Variants in BMP8A observed in about 807,000 individuals in gnomAD.
BMP8A encodes BMP-8A.
Under a neutral mutation model 36.8 loss-of-function variants are expected in BMP8A, and 14 were observed. The ratio of observed to expected loss-of-function variants is 0.38; its 90% confidence interval spans 0.25 to 0.60. The LOEUF is 0.60. BMP8A is among the 20% of genes least tolerant of loss of function. BMP8A has a pLI of 0.63. For missense variants in BMP8A, 267 were observed against 551.1 expected (o/e 0.48, Z 5.16); for synonymous variants, 120 against 237.7 (o/e 0.50, Z 4.55).
In BMP8A at chr1:39,492,008, G is replaced by A; in HGVS notation, c.17G>A (p.Gly6Glu). 3.7e-6 allele frequency: 4 copies of A among 1,088,080 alleles called. No homozygotes were observed. Among genetic ancestry groups the A allele is most frequent in the Non-Finnish European group, 4.5e-6 (4 of 897,208 alleles). 67.4% of individuals were successfully genotyped at this position (1,088,080 alleles called of 1,614,324 possible). ...CGGCCCGCCATGGCCGCGCGCCCCGGACCGCTCTGGCTTCTGGGCCTGACG... is the reference window on the plus strand; with the variant it reads ...CGGCCCGCCATGGCCGCGCGCCCCGAACCGCTCTGGCTTCTGGGCCTGACG... Reference protein sequence around the residue: MAARPGPLWLLGLTLC... With the variant: MAARPEPLWLLGLTLC... The change falls in exon 1 of 7, where the codon GGA becomes GAA. Residue 6 changes from glycine (G) to glutamate (E), a missense_variant. Physicochemically the swap from Gly to Glu is moderately conservative, Grantham distance 98. Coordinates refer to ENST00000331593, the MANE Select transcript of BMP8A (RefSeq NM_181809.4).
At chr1:39,507,068 G>T (rs1295244811) in intron 1 of BMP8A, among the ~76,000 whole-genome samples, 2 of 152,202 alleles carry the variant, frequency 1.3e-5, no homozygotes, top group East Asian at 3.8e-4. Flanking sequence ...CACTGTCCCA[G>T]ATTTTGCAGA....
At chr1:39,508,182 C>T (rs1251461820) in intron 1 of BMP8A, among the ~76,000 whole-genome samples, 1 of 150,464 alleles carries the variant, frequency 6.6e-6, no homozygotes, top group Non-Finnish European at 1.5e-5. Flanking sequence ...ACCCGGGAGG[C>T]GGAGCTTGCA....
At chr1:39,518,037 C>T (rs946868906) in intron 3 of BMP8A, among the ~76,000 whole-genome samples, 2 of 151,996 alleles carry the variant, frequency 1.3e-5, no homozygotes, top group East Asian at 1.9e-4. Context: ...CCGTTGTAAC[C>T]CAAGAGGCTG....
chr1:39,499,319 G>A (rs1645233290), intron 1 of BMP8A, among the ~76,000 whole-genome samples: 1 of 152,178 alleles, frequency 6.6e-6, no homozygotes, highest in Admixed American at 6.5e-5. Flanking sequence ...CAGATGGCAG[G>A]GCCAGCGCAG....
In BMP8A at chr1:39,491,755, G is replaced by A. The variant is rs1351577334; in HGVS notation, c.-237G>A. On this transcript the variant is annotated 5_prime_UTR_variant, in exon 1 of 7. Transcript: ENST00000331593. ...GATTGGCTGACAGTCCCAGCCCTCA[G>A]AACAGCCCCGGCCTCGAAGCGTTGG... 5.2e-6 allele frequency: 1 copy of A among 192,106 alleles called. No individual in the cohort carries two copies. Among genetic ancestry groups the A allele is most frequent in the Non-Finnish European group, 1.0e-5 (1 of 100,040 alleles). The allele number at this position is 192,106 out of a possible 1,614,324, so 11.9% of individuals were successfully genotyped here.
At chr1:39,516,953 A>G (rs536122382) in intron 3 of BMP8A, among the ~76,000 whole-genome samples, 10 of 151,674 alleles carry the variant, frequency 6.6e-5, no homozygotes, top group Admixed American at 6.6e-4. Context: ...AAGACATGCT[A>G]TCTTCATGAG....
At chr1:39,495,198 C>G (rs1226430355) in intron 1 of BMP8A, among the ~76,000 whole-genome samples, 1 of 152,244 alleles carries the variant, frequency 6.6e-6, no homozygotes, top group Non-Finnish European at 1.5e-5. Flanking sequence ...TCAGCCTCAT[C>G]TGAGTCCTGA....
intron 6 of BMP8A, chr1:39,523,461 G>A (rs374084532): frequency 4.8e-6 from 6 of 1,244,342 alleles, no homozygotes; most frequent in South Asian, 1.8e-5. Flanking sequence ...CTGTGTGGGG[G>A]CTGTGTGATC....
intron 1 of BMP8A, among the ~76,000 whole-genome samples, chr1:39,503,841 T>G (rs1397293695): frequency 6.6e-6 from 1 of 152,178 alleles, no homozygotes; most frequent in Non-Finnish European, 1.5e-5. Context: ...CTCAGGAGGC[T>G]GAGGTGGGAG....
intron 1 of BMP8A, among the ~76,000 whole-genome samples, chr1:39,505,827 G>A (rs779236279): frequency 2.0e-5 from 3 of 151,762 alleles, no homozygotes; most frequent in Non-Finnish European, 4.4e-5. Context: ...ATAAACAATT[G>A]TTTAAAAAAT....
In BMP8A at chr1:39,526,368, T is replaced by G. The variant is rs1460631126; in HGVS notation, c.*570T>G. On this transcript the variant is annotated 3_prime_UTR_variant, in exon 7 of 7. Transcript: ENST00000331593. ...TTTTTTTTTTTTTCCAGATAGAGTC[T>G]CACTCTGTCACCCAGGCTGGAGTGC... 2.0e-5 allele frequency among the ~76,000 whole-genome samples: 3 copies of G among 148,228 alleles called. No homozygotes were observed. Among genetic ancestry groups the G allele is most frequent in the Non-Finnish European group, 4.5e-5 (3 of 67,318 alleles).
At chr1:39,517,328 C>CT (rs928180864) in intron 3 of BMP8A, among the ~76,000 whole-genome samples, 2 of 148,398 alleles carry the variant, frequency 1.3e-5, no homozygotes, top group African/African-American at 5.2e-5. Flanking sequence ...ATTTTTTTTT[C>CT]TTTTTTAGAC....
At chr1:39,495,164 C>T (rs886792618) in intron 1 of BMP8A, among the ~76,000 whole-genome samples, 2 of 152,212 alleles carry the variant, frequency 1.3e-5, no homozygotes, top group African/African-American at 4.8e-5. Context: ...CTCACACCTG[C>T]TTCTGCCAGC....
chr1:39,505,884 G>A (rs1645296443), intron 1 of BMP8A, among the ~76,000 whole-genome samples: 1 of 151,452 alleles, frequency 6.6e-6, no homozygotes, highest in African/African-American at 2.4e-5. Flanking sequence ...TACCCCAGAG[G>A]CTGAAGTGGG....
intron 1 of BMP8A, among the ~76,000 whole-genome samples, chr1:39,504,270 G>A (rs1645279348): frequency 6.6e-6 from 1 of 152,040 alleles, no homozygotes; most frequent in Non-Finnish European, 1.5e-5. Context: ...CTCAGCATAT[G>A]GAGGACCTGC....
At chr1:39,493,637 G>A (rs536942953) in intron 1 of BMP8A, among the ~76,000 whole-genome samples, 1 of 152,346 alleles carries the variant, frequency 6.6e-6, no homozygotes, top group African/African-American at 2.4e-5. Flanking sequence ...GGTGGTGGAG[G>A]CGAGCAGCAG....
At chr1:39,499,731 C>A (rs542526069) in intron 1 of BMP8A, among the ~76,000 whole-genome samples, 61 of 152,300 alleles carry the variant, frequency 4.0e-4, no homozygotes, top group African/African-American at 1.4e-3. Flanking sequence ...CCCAGAGCCA[C>A]GGTGAGGTGG....
At chr1:39,509,408 G>C (rs969915020) in intron 1 of BMP8A, among the ~76,000 whole-genome samples, 2 of 152,128 alleles carry the variant, frequency 1.3e-5, no homozygotes, top group African/African-American at 4.8e-5. Flanking sequence ...ATTCATGGTA[G>C]GAGGTCCAGA....
chr1:39,517,899 T>C (rs1348254107), intron 3 of BMP8A, among the ~76,000 whole-genome samples: 2 of 152,260 alleles, frequency 1.3e-5, no homozygotes, highest in Non-Finnish European at 2.9e-5. Flanking sequence ...GGAGGAGTTC[T>C]AGAACCCTAA....
Sources: allele counts gnomAD v4.1 joint callset (sites outside exome capture counted in the v4.1 genomes callset), GRCh38; gene constraint gnomAD v4.1.1; transcripts MANE v1.5; gene names NCBI Gene and HGNC (gene_info 2026-07-23, HGNC 2026-07-21).